The following VRK1 variants were observed in gnomAD, a reference collection of about 807,000 sequenced individuals.
VRK1 encodes serine/threonine-protein kinase VRK1.
Under a neutral mutation model 57.1 loss-of-function variants are expected in VRK1, and 33 were observed. That is an observed-to-expected ratio of 0.58 (90% confidence interval 0.44 to 0.77). The LOEUF is 0.77. VRK1 is among the 30% of genes least tolerant of loss of function. The pLI, the probability that VRK1 is intolerant of heterozygous loss-of-function variation, is 0.00. For missense variants in VRK1, 413 were observed against 477.3 expected (o/e 0.87, Z 1.25); for synonymous variants, 137 against 147.8 (o/e 0.93, Z 0.53).
chr14:96,829,724 C>T (rs1031981608), intron 1 of VRK1, among the ~76,000 whole-genome samples: 22 of 152,052 alleles, frequency 1.4e-4, no homozygotes, highest in African/African-American at 4.6e-4. Context: ...GCCTTTTTTG[C>T]GTATGTTATC....
chr14:96,877,130 A>G (rs1889072030), intron 12 of VRK1, among the ~76,000 whole-genome samples: 1 of 151,908 alleles, frequency 6.6e-6, no homozygotes, highest in Non-Finnish European at 1.5e-5. Context: ...CTAACAGAAA[A>G]GGCTTATTTT....
intron 12 of VRK1, among the ~76,000 whole-genome samples, chr14:96,878,440 C>T (rs1319300609): frequency 6.6e-6 from 1 of 152,120 alleles, no homozygotes; most frequent in African/African-American, 2.4e-5. Flanking sequence ...TCTTCATTAA[C>T]AATTTTATTT....
At chr14:96,850,200 A>G (rs1461347684) in intron 5 of VRK1, among the ~76,000 whole-genome samples, 1 of 152,242 alleles carries the variant, frequency 6.6e-6, no homozygotes, top group Non-Finnish European at 1.5e-5. Flanking sequence ...GGTCTTAGAA[A>G]GTAAAGAAAT....
intron 1 of VRK1, among the ~76,000 whole-genome samples, chr14:96,828,131 A>C (rs570662208): frequency 4.8e-5 from 7 of 146,558 alleles, no homozygotes; most frequent in African/African-American, 1.7e-4. Context: ...TGGTATGTCC[A>C]TCCGTCTTAC....
chr14:96,869,681 T>C (rs780263814), intron 11 of VRK1, among the ~76,000 whole-genome samples: 17 of 152,298 alleles, frequency 1.1e-4, no homozygotes, highest in African/African-American at 3.8e-4. Context: ...TTTGTAGTTA[T>C]CCCTTTTTTC....
intron 2 of VRK1, among the ~76,000 whole-genome samples, chr14:96,836,784 C>T (rs933843758): frequency 3.9e-5 from 6 of 152,080 alleles, no homozygotes; most frequent in African/African-American, 1.4e-4. Flanking sequence ...CTGCGTTGAC[C>T]TCCCAAAGTG....
At position 96,833,322 on chromosome 14, in the gene VRK1, T is replaced by C; in HGVS notation, c.-5-145T>C. 4.9e-6 allele frequency: 4 copies of C among 818,480 alleles called. No homozygotes were observed. The South Asian group carries it at 7.1e-5, about 14-fold the overall frequency. The allele number at this position is 818,480 out of a possible 1,614,324, so 50.7% of individuals were successfully genotyped here. A position where few individuals can be genotyped will look rare whatever the true frequency, so the allele number is the denominator to read the frequency against. On this transcript the variant is annotated intron_variant, in intron 1 of 12. Transcript: ENST00000216639. ...TAATCAAATAGGATTTGAGCCATTA[T>C]AAGTCAGAATTAACAGGTATCCTTT... is the stretch of plus-strand genomic sequence containing the variant.
intron 1 of VRK1, among the ~76,000 whole-genome samples, chr14:96,812,313 T>C (rs574755945): frequency 6.6e-6 from 1 of 152,284 alleles, no homozygotes; most frequent in South Asian, 2.1e-4. Flanking sequence ...ATTCTTTAAG[T>C]TCTTTAGGGA....
intron 12 of VRK1, among the ~76,000 whole-genome samples, chr14:96,880,681 T>C (rs1452644795): frequency 6.6e-6 from 1 of 152,340 alleles, no homozygotes; most frequent in African/African-American, 2.4e-5. Flanking sequence ...GAAAAGACTT[T>C]CCATTTCAGT....
At chr14:96,804,645 T>C (rs1382785205) in intron 1 of VRK1, among the ~76,000 whole-genome samples, 1 of 152,242 alleles carries the variant, frequency 6.6e-6, no homozygotes, top group African/African-American at 2.4e-5. Flanking sequence ...GTGCTGTATA[T>C]TCTTAATCAG....
intron 12 of VRK1, 35 bp from the exon 13 acceptor site, chr14:96,881,142 A>G: frequency 6.4e-7 from 1 of 1,572,266 alleles, no homozygotes; most frequent in Non-Finnish European, 8.7e-7. Flanking sequence ...TAAATTATTG[A>G]CTAGTGATTT....
chr14:96,870,528 T>C (rs1322640685), intron 11 of VRK1, among the ~76,000 whole-genome samples: 2 of 152,180 alleles, frequency 1.3e-5, no homozygotes, highest in East Asian at 3.8e-4. Context: ...TAGACCGTAG[T>C]TCATTGAATC....
intron 11 of VRK1, among the ~76,000 whole-genome samples, chr14:96,874,492 G>A (rs1288822065): frequency 6.6e-6 from 1 of 152,192 alleles, no homozygotes; most frequent in African/African-American, 2.4e-5. Context: ...AAAGAAAGAT[G>A]TAAGGCATTC....
intron 3 of VRK1, among the ~76,000 whole-genome samples, chr14:96,841,850 A>T (rs755781757): frequency 8.8e-4 from 133 of 151,498 alleles, no homozygotes; most frequent in Non-Finnish European, 1.7e-3. Context: ...AAAAAAAAAT[A>T]CCAAAAATAA....
chr14:96,864,543 G>A (rs887532034), intron 11 of VRK1, among the ~76,000 whole-genome samples: 1 of 152,278 alleles, frequency 6.6e-6, no homozygotes, highest in East Asian at 1.9e-4. Flanking sequence ...GTTTCCGGCA[G>A]TTGTGATAAT....
intron 1 of VRK1, among the ~76,000 whole-genome samples, chr14:96,820,035 C>A (rs867836638): frequency 1.3e-5 from 2 of 152,074 alleles, no homozygotes; most frequent in Non-Finnish European, 2.9e-5. Flanking sequence ...TGGCAGCAGA[C>A]CATCAAACAG....
At chr14:96,859,770 A>G (rs1888310686) in intron 10 of VRK1, among the ~76,000 whole-genome samples, 1 of 152,140 alleles carries the variant, frequency 6.6e-6, no homozygotes, top group Non-Finnish European at 1.5e-5. Context: ...GAAGGATGAA[A>G]ATCTCAGTAA....
Position 96,860,692 on chromosome 14 carries a change from G to A in VRK1, c.1025G>A (p.Ser342Asn), listed in dbSNP as rs1020730966. 1 of 1,613,340 alleles carries A rather than the reference G, an allele frequency of 6.2e-7. No individual in the cohort carries two copies. The highest frequency in any genetic ancestry group is 8.5e-7 in the Non-Finnish European group (1 of 1,179,522). Reference protein sequence around the residue: ...GSKDDGKLDLSVVENGGLKAK... With the variant: ...GSKDDGKLDLNVVENGGLKAK... ...AAGGATGATGGCAAATTGGACCTCA[G>A]TGTTGTGGAGAATGGAGGTTTGAAA... Residue 342 changes from serine to asparagine, a missense_variant, in exon 11 of 13, where the codon AGT becomes AAT. Physicochemically the swap from Ser to Asn is conservative, Grantham distance 46 (BLOSUM62 1). Coordinates refer to ENST00000216639, the MANE Select transcript of VRK1 (RefSeq NM_003384.3).
Position 96,812,187 on chromosome 14 carries a change from A to C in VRK1, c.-6+14740A>C, listed in dbSNP as rs558618773. 2.0e-5 allele frequency among the ~76,000 whole-genome samples: 3 copies of C among 152,278 alleles called. No homozygotes were observed. The East Asian group carries it at 5.8e-4, about 29-fold the overall frequency. ...ATTTGATTTATCCATTCATCAGTTG[A>C]AGGACTTTGGGGTTGCTTTTGCTTT... is the stretch of plus-strand genomic sequence containing the variant. On this transcript the variant is annotated intron_variant, in intron 1 of 12. Transcript: ENST00000216639.
Sources: gnomAD v4.1 joint callset for allele counts (sites outside exome capture counted in the v4.1 genomes callset) on GRCh38, gnomAD v4.1.1 for gene constraint, MANE v1.5 for transcripts, NCBI Gene and HGNC (gene_info 2026-07-23, HGNC 2026-07-21) for gene names.